The following CLIC5 variants were observed in gnomAD, a reference collection of about 807,000 sequenced individuals.
CLIC5 encodes chloride intracellular channel protein 5.
In CLIC5, 20 loss-of-function variants were observed where a neutral mutation model predicts 24.7. That is an observed-to-expected ratio of 0.81 (90% CI 0.57 to 1.18). The LOEUF (loss-of-function observed/expected upper bound fraction) is 1.18. Among genes scored for constraint, CLIC5 ranks in the 50% most tolerant of loss-of-function variants. CLIC5 has a pLI of 0.00. For missense variants in CLIC5, 341 were observed against 326.1 expected, an observed-to-expected ratio of 1.05 and a Z score of -0.35; for synonymous variants, 159 against 135.6, an observed-to-expected ratio of 1.17 and a Z score of -1.20.
the CLIC5 span, among the ~76,000 whole-genome samples, chr6:46,093,447 A>G: frequency 6.6e-6 from 1 of 152,204 alleles, no homozygotes; most frequent in Non-Finnish European, 1.5e-5. Flanking sequence ...GGATACTAAT[A>G]TGACTGATTC....
intron 1 of CLIC5, among the ~76,000 whole-genome samples, chr6:46,031,120 C>A (rs1251814465): frequency 6.6e-6 from 1 of 152,146 alleles, no homozygotes. Context: ...TTATTAAGAT[C>A]CTATTTTATT....
At position 46,080,193 on chromosome 6, in the gene CLIC5, C is replaced by T; in HGVS notation, c.50G>A (p.Arg17Lys). The T allele has an allele frequency of 6.4e-6, 10 of 1,551,596 alleles. No homozygotes were observed. Among genetic ancestry groups the T allele is most frequent in the Non-Finnish European group, 8.7e-6 (10 of 1,146,954 alleles). ...TGGCTGGTCTGGAACCTCATACGTC[C>T]TCTCATTTTGGATTGTGTCATAGAT... Residue 17 changes from arginine to lysine, a missense_variant, in exon 1 of 6, where the codon AGG (arginine) becomes AAG (lysine). Coordinates refer to the CLIC5 transcript ENST00000185206.
chr6:46,125,380 A>T, the CLIC5 span, among the ~76,000 whole-genome samples: 1 of 152,106 alleles, frequency 6.6e-6, no homozygotes, highest in African/African-American at 2.4e-5. Flanking sequence ...GAACAATGAG[A>T]ACACTTGGAC....
At chr6:46,074,204 T>TA (rs1188909680) in intron 1 of CLIC5, among the ~76,000 whole-genome samples, 6 of 152,354 alleles carry the variant, frequency 3.9e-5, no homozygotes, top group Admixed American at 6.5e-5. Context: ...GTGCTCATTG[T>TA]AAAATATATA....
chr6:46,015,906 G>C, upstream of CLIC5: 2 of 1,015,304 alleles, frequency 2.0e-6, no homozygotes, highest in Non-Finnish European at 1.2e-6. Flanking sequence ...CGGCTGCAGG[G>C]CGGGGTCAGC....
chr6:46,081,858 C>A (rs557718786), upstream of CLIC5, among the ~76,000 whole-genome samples: 1 of 152,314 alleles, frequency 6.6e-6, no homozygotes, highest in East Asian at 1.9e-4. Flanking sequence ...GCTACTAAAT[C>A]TCTTCCTTAA....
At chr6:45,925,287 T>TTGCCAACA (rs1252276742) in intron 4 of CLIC5, among the ~76,000 whole-genome samples, 1 of 151,982 alleles carries the variant, frequency 6.6e-6, no homozygotes, top group East Asian at 1.9e-4. Flanking sequence ...TACATAGGTA[T>TTGCCAACA]TGCCAACATG....
At chr6:46,109,513 T>TAAAA in the CLIC5 span, among the ~76,000 whole-genome samples, 24 of 47,184 alleles carry the variant, frequency 5.1e-4, 1 homozygote, top group African/African-American at 1.5e-3. Flanking sequence ...CAGTCTCCAC[T>TAAAA]AAAAAAAAAA....
chr6:45,896,410 G>A (rs79060801), downstream of CLIC5, among the ~76,000 whole-genome samples: 1,317 of 152,050 alleles, frequency 8.7e-3, 20 homozygotes, highest in African/African-American at 0.03. Flanking sequence ...ACTCCCTTCG[G>A]GAAACTGAGG....
intron 6 of CLIC5, chr6:45,883,825 G>A (rs190243625): frequency 1.3e-5 from 2 of 152,364 alleles, no homozygotes; most frequent in Admixed American, 6.5e-5. Flanking sequence ...AAATATATAT[G>A]TGCCTGAAAC....
chr6:46,076,621 C>T lies in CLIC5; in HGVS notation c.540+3082G>A, dbSNP rs75639156. On this transcript the variant is annotated intron_variant, in intron 1 of 5. Transcript: ENST00000185206. ...AGAAGGAAAACAGCTCTGCTGACAC[C>T]TTGAGTTTAGCCCCATAAGACTCAT... 8.7e-3 allele frequency among the ~76,000 whole-genome samples: 1,326 copies of T among 152,236 alleles called. 20 individuals carry two copies. The highest frequency in any genetic ancestry group is 0.029 in the African/African-American group (1,210 of 41,526).
At chr6:45,895,584 C>G (rs540678975), downstream of CLIC5, among the ~76,000 whole-genome samples, 13 of 152,280 alleles carry the variant, frequency 8.5e-5, no homozygotes, top group Non-Finnish European at 1.6e-4. Flanking sequence ...CCAAGGTGAA[C>G]CCAGAAGTCT....
intron 5 of CLIC5, among the ~76,000 whole-genome samples, chr6:45,905,480 C>CTT (rs36089623): frequency 4.0e-5 from 5 of 125,278 alleles, no homozygotes; most frequent in Admixed American, 7.9e-5. Flanking sequence ...TGATACTGAG[C>CTT]TTTTTTTTTT....
intron 1 of CLIC5, among the ~76,000 whole-genome samples, chr6:45,969,789 C>T (rs1765134690): frequency 2.1e-5 from 3 of 141,138 alleles, no homozygotes; most frequent in Admixed American, 7.2e-5. Flanking sequence ...TTCACATTCA[C>T]ATCAAGGTTT....
chr6:46,011,513 A>G (rs1383676958), intron 1 of CLIC5, among the ~76,000 whole-genome samples: 1 of 152,216 alleles, frequency 6.6e-6, no homozygotes, highest in Non-Finnish European at 1.5e-5. Flanking sequence ...TGCCATCAGA[A>G]GTTTTAAAAT....
chr6:45,891,259 C>A (rs1762344756), intron 6 of CLIC5, among the ~76,000 whole-genome samples: 1 of 152,012 alleles, frequency 6.6e-6, no homozygotes, highest in South Asian at 2.1e-4. Flanking sequence ...AAAGAACATA[C>A]AAAACACATT....
intron 1 of CLIC5, among the ~76,000 whole-genome samples, chr6:46,056,398 T>C (rs1460915645): frequency 6.6e-6 from 1 of 152,156 alleles, no homozygotes; most frequent in Non-Finnish European, 1.5e-5. Flanking sequence ...GGCAACTGGC[T>C]TCTTGGGTTG....
chr6:45,887,794 T>G (rs1337172980), intron 6 of CLIC5, among the ~76,000 whole-genome samples: 4 of 152,168 alleles, frequency 2.6e-5, no homozygotes, highest in Non-Finnish European at 1.5e-5. Flanking sequence ...TACACTCACA[T>G]GTAATAAAAT....
At chr6:45,888,663 A>G in intron 6 of CLIC5, among the ~76,000 whole-genome samples, 1 of 152,226 alleles carries the variant, frequency 6.6e-6, no homozygotes, top group East Asian at 1.9e-4. Flanking sequence ...GTTATGTAGT[A>G]CTGTAGCATA....
Sources: gnomAD v4.1 joint callset for allele counts (sites outside exome capture counted in the v4.1 genomes callset) on GRCh38, gnomAD v4.1.1 for gene constraint, MANE v1.5 for transcripts, NCBI Gene and HGNC (gene_info 2026-07-23, HGNC 2026-07-21) for gene names.